The following ADAMTS3 variants were observed in gnomAD, a reference collection of about 807,000 sequenced individuals.
ADAMTS3 encodes the protein ADAM metallopeptidase with thrombospondin type 1 motif 3.
In ADAMTS3, 73 loss-of-function variants were observed where a neutral mutation model predicts 129.0. The observed-to-expected ratio is 0.57, with a 90% CI of 0.47 to 0.69. ADAMTS3 has a LOEUF of 0.69. ADAMTS3 is among the 30% of genes least tolerant of loss of function. ADAMTS3 has a pLI of 0.00. For missense variants in ADAMTS3, 1,457 were observed against 1,514.5 expected (o/e 0.96, Z 0.63); for synonymous variants, 477 against 510.8 (o/e 0.93, Z 0.89).
intron 14 of ADAMTS3, among the ~76,000 whole-genome samples, 189 bp from the exon 15 acceptor site, chr4:72,309,709 A>T (rs1272181595): frequency 1.3e-5 from 2 of 152,044 alleles, no homozygotes; most frequent in Non-Finnish European, 2.9e-5. Context: ...AATGACTTGT[A>T]CCCTAAGTAA....
At position 72,478,517 on chromosome 4, in the gene ADAMTS3, A is replaced by G. The variant is rs1578718184; in HGVS notation, c.505-63546T>C. ...ACCCTTCATGCTAAAAACTCTCAAT[A>G]AATTAGGTATTGATGGGACATATCT... On this transcript the variant is annotated intron_variant, in intron 3 of 21. Coordinates refer to ENST00000286657, the MANE Select transcript of ADAMTS3 (RefSeq NM_014243.3). Among the ~76,000 whole-genome samples, 19 of 149,780 alleles carry G rather than the reference A, an allele frequency of 1.3e-4. No individual in the cohort carries two copies. In the South Asian group the frequency reaches 4.1e-3, roughly 33 times the overall value.
chr4:72,438,220 T>C (rs1410976499), intron 3 of ADAMTS3, among the ~76,000 whole-genome samples: 1 of 151,710 alleles, frequency 6.6e-6, no homozygotes, highest in Admixed American at 6.6e-5. Flanking sequence ...TGAGTTATAT[T>C]GTTTATAAAT....
intron 3 of ADAMTS3, among the ~76,000 whole-genome samples, chr4:72,482,389 G>A (rs141395782): frequency 7.3e-5 from 11 of 150,868 alleles, no homozygotes; most frequent in African/African-American, 2.4e-4. Context: ...AAATTATGCA[G>A]AGCAAAAAAA....
intron 3 of ADAMTS3, among the ~76,000 whole-genome samples, chr4:72,460,218 C>T (rs998845728): frequency 1.3e-5 from 2 of 151,470 alleles, no homozygotes; most frequent in South Asian, 4.1e-4. Flanking sequence ...AATTATTGTT[C>T]TGTTCATTGA....
chr4:72,297,718 C>T (rs570755938), intron 18 of ADAMTS3, among the ~76,000 whole-genome samples: 1 of 152,188 alleles, frequency 6.6e-6, no homozygotes, highest in Non-Finnish European at 1.5e-5. Context: ...GGGCTCTGGG[C>T]AATTATCTTC....
At chr4:72,398,923 G>A (rs1721798578) in intron 4 of ADAMTS3, among the ~76,000 whole-genome samples, 1 of 152,090 alleles carries the variant, frequency 6.6e-6, no homozygotes, top group Non-Finnish European at 1.5e-5. Context: ...AGACATCTAA[G>A]GTGATAAGTG....
At chr4:72,309,578 T>C in intron 14 of ADAMTS3, 58 bp from the exon 15 acceptor site, 1 of 1,579,538 alleles carries the variant, frequency 6.3e-7, no homozygotes, top group Non-Finnish European at 8.6e-7. Flanking sequence ...GTGGTCAACA[T>C]CCCAGAGAAT....
At chr4:72,436,757 C>G (rs974399523) in intron 3 of ADAMTS3, among the ~76,000 whole-genome samples, 2 of 150,906 alleles carry the variant, frequency 1.3e-5, no homozygotes, top group African/African-American at 2.4e-5. Flanking sequence ...ATCGCAAGGA[C>G]AGAAAACCAA....
intron 3 of ADAMTS3, among the ~76,000 whole-genome samples, chr4:72,486,230 C>T (rs115447606): frequency 2.0e-4 from 30 of 152,234 alleles, no homozygotes; most frequent in African/African-American, 7.0e-4. Flanking sequence ...ATTAAACTTG[C>T]CCAACTTAAC....
At position 72,289,440 on chromosome 4, in the gene ADAMTS3, T is replaced by A. The variant is rs1291078646; in HGVS notation, c.2932-572A>T. 6.6e-5 allele frequency among the ~76,000 whole-genome samples: 10 copies of A among 152,312 alleles called. No homozygotes were observed. In the East Asian group the frequency reaches 1.5e-3, roughly 24 times the overall value. On this transcript the variant is annotated intron_variant, in intron 20 of 21. Transcript: ENST00000286657. ...ATTTCTCTGTGCTCTTAAGTTCATT[T>A]CTCTAATGAAAAGGTTTACTGCTCT... is the stretch of plus-strand genomic sequence containing the variant.
chr4:72,409,405 T>C (rs1171838100), intron 4 of ADAMTS3, among the ~76,000 whole-genome samples: 1 of 152,182 alleles, frequency 6.6e-6, no homozygotes, highest in Non-Finnish European at 1.5e-5. Context: ...TCTACCCTGA[T>C]GTATGTTTAC....
intron 2 of ADAMTS3, among the ~76,000 whole-genome samples, chr4:72,564,133 G>A (rs1223718119): frequency 6.6e-6 from 1 of 152,140 alleles, no homozygotes; most frequent in Non-Finnish European, 1.5e-5. Context: ...GAGGAATCAG[G>A]AGATGGAAGA....
intron 4 of ADAMTS3, among the ~76,000 whole-genome samples, chr4:72,411,441 C>A (rs561586346): frequency 6.6e-6 from 1 of 152,066 alleles, no homozygotes; most frequent in Non-Finnish European, 1.5e-5. Flanking sequence ...TAGCAAATAT[C>A]TTTCATAGGC....
intron 4 of ADAMTS3, among the ~76,000 whole-genome samples, chr4:72,362,679 C>G (rs926825236): frequency 6.6e-6 from 1 of 152,112 alleles, no homozygotes; most frequent in Non-Finnish European, 1.5e-5. Flanking sequence ...TCTAACATTT[C>G]TTTCCTAAGA....
intron 4 of ADAMTS3, among the ~76,000 whole-genome samples, chr4:72,397,562 TACACAC>T (rs35076637): frequency 2.7e-4 from 40 of 147,564 alleles, no homozygotes; most frequent in South Asian, 6.6e-4. Flanking sequence ...GAGACTCTAT[TACACAC>T]ACACACACAC....
intron 4 of ADAMTS3, among the ~76,000 whole-genome samples, chr4:72,356,083 T>C (rs138347182): frequency 9.2e-5 from 14 of 152,010 alleles, no homozygotes; most frequent in African/African-American, 3.1e-4. Flanking sequence ...CCAAATGAAC[T>C]GGAAATACAG....
At chr4:72,318,467 T>C (rs186406820) in intron 10 of ADAMTS3, 105 bp downstream of exon 10, 89 of 1,201,538 alleles carry the variant, frequency 7.4e-5, no homozygotes, top group Non-Finnish European at 9.6e-5. Flanking sequence ...AAATAACTGC[T>C]AGATATTATT....
rs1164787263 is a variant in ADAMTS3, at chr4:72,282,512, T to A, written c.*624A>T. The A allele has an allele frequency of 6.6e-6, 1 of 152,652 alleles. No individual in the cohort carries two copies. Among genetic ancestry groups the A allele is most frequent in the African/African-American group, 2.4e-5 (1 of 41,462 alleles). 9.5% of individuals were successfully genotyped at this position (152,652 alleles called of 1,614,324 possible). On this transcript the variant is annotated 3_prime_UTR_variant, in exon 22 of 22. Coordinates refer to ENST00000286657, the MANE Select transcript of ADAMTS3 (RefSeq NM_014243.3). ...TGTAATTCTAACTTCTCTTTTGTAA[T>A]ACTCTGCTTTGAAAATTAACCTATA...
chr4:72,469,675 T>C (rs1719012781), intron 3 of ADAMTS3, among the ~76,000 whole-genome samples: 1 of 152,036 alleles, frequency 6.6e-6, no homozygotes, highest in African/African-American at 2.4e-5. Flanking sequence ...ATCTTCTGCC[T>C]TTGCCAACCC....
Sources: gnomAD v4.1 joint callset for allele counts (sites outside exome capture counted in the v4.1 genomes callset) on GRCh38, gnomAD v4.1.1 for gene constraint, MANE v1.5 for transcripts, NCBI Gene and HGNC (gene_info 2026-07-23, HGNC 2026-07-21) for gene names.